Variants in ST6GAL1 observed in about 807,000 individuals in gnomAD.
ST6GAL1 encodes the protein ST6 beta-galactoside alpha-2,6-sialyltransferase 1.
In ST6GAL1, 20 loss-of-function variants were observed where a neutral mutation model predicts 38.0. The observed-to-expected ratio is 0.53, with a 90% CI of 0.37 to 0.77. The LOEUF is 0.77. Among genes scored for constraint, ST6GAL1 ranks in the 30% least tolerant of loss-of-function variants. ST6GAL1 has a pLI of 0.00. For missense variants in ST6GAL1, 432 were observed against 496.4 expected, an observed-to-expected ratio of 0.87 and a Z score of 1.23; for synonymous variants, 196 against 188.2, an observed-to-expected ratio of 1.04 and a Z score of -0.34.
At chr3:186,933,364 C>G (rs1006016724) in intron 1 of ST6GAL1, among the ~76,000 whole-genome samples, 5 of 152,188 alleles carry the variant, frequency 3.3e-5, no homozygotes, top group Non-Finnish European at 5.9e-5. Context: ...TTTCAACACT[C>G]AATAAAATTC....
chr3:187,030,210 C>T (rs954567061), intron 2 of ST6GAL1, among the ~76,000 whole-genome samples: 4 of 152,132 alleles, frequency 2.6e-5, no homozygotes, highest in Admixed American at 6.5e-5. Context: ...GAGAAGATGG[C>T]TGCAGCCAGG....
At position 186,960,988 on chromosome 3, in the gene ST6GAL1, T is replaced by TA. The variant is rs1338331355; in HGVS notation, c.-324-2796dup. ...TTTGATCTTTTTTTTTTTTTTTTTT[T>TA]AGATAGAGTCTCACTCTGTCACTCA... On this transcript the variant is annotated intron_variant, in intron 1 of 7. Coordinates refer to ENST00000169298, the MANE Select transcript of ST6GAL1 (RefSeq NM_173216.2). Among the ~76,000 whole-genome samples the TA allele has an allele frequency of 8.8e-5, 13 of 146,936 alleles. 1 individual carries two copies. The South Asian group carries it at 1.7e-3, about 19-fold the overall frequency.
chr3:187,047,883 TA>T (rs1411581748), intron 4 of ST6GAL1, among the ~76,000 whole-genome samples: 1 of 152,040 alleles, frequency 6.6e-6, no homozygotes, highest in Non-Finnish European at 1.5e-5. Flanking sequence ...TCAGATTGGG[TA>T]ATTAGAATAT....
chr3:186,931,199 C>T, intron 1 of ST6GAL1: 1 of 810 alleles, frequency 1.2e-3, no homozygotes, highest in East Asian at 0.045. Context: ...GTTTACGGAT[C>T]GACAAATTGA....
intron 2 of ST6GAL1, among the ~76,000 whole-genome samples, chr3:187,026,894 A>G (rs1380441955): frequency 6.6e-6 from 1 of 151,798 alleles, no homozygotes; most frequent in Non-Finnish European, 1.5e-5. Flanking sequence ...AAACACAAAA[A>G]CAAAATTAGC....
At chr3:187,038,193 A>ATTTCTTTT (rs1717996989) in intron 2 of ST6GAL1, among the ~76,000 whole-genome samples, 1 of 105,656 alleles carries the variant, frequency 9.5e-6, no homozygotes, top group Non-Finnish European at 1.9e-5. Context: ...TGTCAAGTCT[A>ATTTCTTTT]TTTCTTTTTT....
At chr3:186,972,726 T>C (rs1715391944) in intron 2 of ST6GAL1, among the ~76,000 whole-genome samples, 1 of 152,152 alleles carries the variant, frequency 6.6e-6, no homozygotes, top group Admixed American at 6.5e-5. Context: ...GTGGGCACTC[T>C]TCACTGACGA....
intron 2 of ST6GAL1, among the ~76,000 whole-genome samples, chr3:186,996,003 G>A (rs997648292): frequency 3.3e-5 from 5 of 152,134 alleles, no homozygotes; most frequent in African/African-American, 4.8e-5. Flanking sequence ...TTATCGGTGC[G>A]TGTTTACTCC....
At chr3:187,009,863 G>A (rs1157236934) in intron 2 of ST6GAL1, among the ~76,000 whole-genome samples, 3 of 151,970 alleles carry the variant, frequency 2.0e-5, no homozygotes, top group Non-Finnish European at 4.4e-5. Flanking sequence ...TAATTAGCCA[G>A]GCGTGGTGGT....
intron 4 of ST6GAL1, among the ~76,000 whole-genome samples, chr3:187,046,540 A>G (rs1718301893): frequency 1.2e-5 from 1 of 80,486 alleles, no homozygotes; most frequent in Non-Finnish European, 2.2e-5. Context: ...GACAAAGAAA[A>G]GAACAGGGAA....
intron 2 of ST6GAL1, among the ~76,000 whole-genome samples, chr3:187,007,223 G>T (rs114664200): frequency 6.6e-6 from 1 of 152,192 alleles, no homozygotes; most frequent in South Asian, 2.1e-4. Context: ...GGAAGCAGGG[G>T]GGAAAAGCCA....
rs1252518495 is a variant in ST6GAL1 at position 187,078,167 on chromosome 3, AATT to A, written c.*2372_*2374del. The A allele has an allele frequency of 1.3e-5, 2 of 152,524 alleles. No homozygotes were observed. Among genetic ancestry groups the A allele is most frequent in the Non-Finnish European group, 2.9e-5 (2 of 68,034 alleles). 9.4% of individuals were successfully genotyped at this position (152,524 alleles called of 1,614,324 possible). A position where few individuals can be genotyped will look rare whatever the true frequency, so the allele number is the denominator to read the frequency against. ...CGACACTGGGTAGAATCTAGTTTTT[AATT>A]ATTATTAATATAAAGGATCAAATTA... is the stretch of plus-strand genomic sequence containing the variant. On this transcript the variant is annotated 3_prime_UTR_variant, in exon 8 of 8. Coordinates refer to ENST00000169298, the MANE Select transcript of ST6GAL1 (RefSeq NM_173216.2).
intron 1 of ST6GAL1, among the ~76,000 whole-genome samples, chr3:186,958,542 T>G (rs988506417): frequency 1.3e-5 from 2 of 151,872 alleles, no homozygotes; most frequent in African/African-American, 4.8e-5. Context: ...GATACAGGAG[T>G]TGAAAGACAG....
intron 2 of ST6GAL1, chr3:187,024,989 G>A (rs1028447796): frequency 5.7e-5 from 3 of 52,618 alleles, no homozygotes; most frequent in African/African-American, 2.8e-4. Context: ...AACCTGGTGC[G>A]TGTGTGTGTG....
chr3:186,995,263 C>A (rs187414360), intron 2 of ST6GAL1, among the ~76,000 whole-genome samples: 1 of 151,782 alleles, frequency 6.6e-6, no homozygotes, highest in Non-Finnish European at 1.5e-5. Flanking sequence ...AATCCCAGCA[C>A]TTTGGGAGGC....
At chr3:187,068,359 A>G (rs1719245420) in intron 5 of ST6GAL1, among the ~76,000 whole-genome samples, 1 of 149,144 alleles carries the variant, frequency 6.7e-6, no homozygotes, top group African/African-American at 2.5e-5. Flanking sequence ...AAAAAAAAAA[A>G]GAAGTGTGGT....
intron 2 of ST6GAL1, among the ~76,000 whole-genome samples, chr3:187,012,582 G>A (rs1025873318): frequency 9.2e-5 from 14 of 152,274 alleles, no homozygotes; most frequent in African/African-American, 3.4e-4. Context: ...TGAACACCAA[G>A]CAATTAGTGC....
chr3:186,993,589 TTTATTTATTTATTTA>T (rs756723662), intron 2 of ST6GAL1, among the ~76,000 whole-genome samples: 17,071 of 136,734 alleles, frequency 0.12, 1,084 homozygotes, highest in Non-Finnish European at 0.16. Flanking sequence ...TATTTATTTA[TTTATTTATTTATTTA>T]TATGTTTTAG....
At chr3:187,023,814 A>G (rs1207814963) in intron 2 of ST6GAL1, among the ~76,000 whole-genome samples, 2 of 151,960 alleles carry the variant, frequency 1.3e-5, no homozygotes, top group Non-Finnish European at 2.9e-5. Flanking sequence ...CAGCACACCA[A>G]CATGGCACAT....
Sources: gnomAD v4.1 joint callset for allele counts (sites outside exome capture counted in the v4.1 genomes callset) on GRCh38, gnomAD v4.1.1 for gene constraint, MANE v1.5 for transcripts, NCBI Gene and HGNC (gene_info 2026-07-23, HGNC 2026-07-21) for gene names.